NPRL3: variants seen among roughly 807,000 people sequenced by gnomAD.
NPRL3 encodes the protein GATOR1 complex protein NPRL3.
A neutral mutation model predicts 57.2 loss-of-function variants in NPRL3; 23 were observed. The ratio of observed to expected loss-of-function variants is 0.40; its 90% CI spans 0.29 to 0.57. NPRL3 has a LOEUF of 0.57. Ranked by LOEUF, NPRL3 falls within the 20% of genes least tolerant of loss-of-function variation. The pLI is 0.42. For missense variants in NPRL3, 691 were observed against 767.1 expected (o/e 0.90, Z 1.17); for synonymous variants, 333 against 321.1 (o/e 1.04, Z -0.39).
Position 85,940 on chromosome 16 carries a change from C to T in NPRL3, c.*765G>A, listed in dbSNP as rs1023870791. Reference sequence around the variant, plus strand: ...GAGAGCTGGGGGCCTGAGTACGTAGCGCCAGGCCCGGTGTGGATGCTGGGG... The same window carrying T: ...GAGAGCTGGGGGCCTGAGTACGTAGTGCCAGGCCCGGTGTGGATGCTGGGG... On this transcript the variant is annotated 3_prime_UTR_variant, in exon 14 of 14. Coordinates refer to ENST00000611875, the MANE Select transcript of NPRL3 (RefSeq NM_001077350.3). 221 of 816,626 alleles carry T rather than the reference C, an allele frequency of 2.7e-4. No homozygotes were observed. The East Asian group carries it at 6.4e-3, about 24-fold the overall frequency. The allele number at this position is 816,626 out of a possible 1,614,324, so 50.6% of individuals were successfully genotyped here.
chr16:105,791 T>A (rs1302182686), intron 7 of NPRL3, among the ~76,000 whole-genome samples: 1 of 152,162 alleles, frequency 6.6e-6, no homozygotes. Flanking sequence ...TGAAGAGACA[T>A]CCCTGCCCTC....
intron 4 of NPRL3, among the ~76,000 whole-genome samples, chr16:118,464 C>G (rs1290130752): frequency 1.3e-5 from 2 of 151,338 alleles, no homozygotes; most frequent in Non-Finnish European, 2.9e-5. Context: ...AATGCTTGCA[C>G]CACACTGTAG....
At position 133,109 on chromosome 16, in the gene NPRL3, T is replaced by C. The variant is rs536872775; in HGVS notation, c.119-2518A>G. On this transcript the variant is annotated intron_variant, in intron 2 of 13. Coordinates refer to ENST00000611875, the MANE Select transcript of NPRL3 (RefSeq NM_001077350.3). ...ATTAAAGAGAGTTAGAGCCTTTTTC[T>C]GGATTAGGCTTTGGTTTAAGAGAAT... 7.2e-5 allele frequency among the ~76,000 whole-genome samples: 11 copies of C among 152,384 alleles called. No homozygotes were observed. In the South Asian group the frequency reaches 1.9e-3, roughly 26 times the overall value.
intron 3 of NPRL3, among the ~76,000 whole-genome samples, chr16:127,668 T>C (rs1401123969): frequency 2.0e-5 from 3 of 151,774 alleles, no homozygotes; most frequent in Admixed American, 1.3e-4. Flanking sequence ...TTTTTTTTTT[T>C]TTTTGAGACG....
intron 6 of NPRL3, among the ~76,000 whole-genome samples, chr16:111,339 G>C (rs1899801905): frequency 6.6e-6 from 1 of 152,090 alleles, no homozygotes; most frequent in Non-Finnish European, 1.5e-5. Flanking sequence ...GATGGAGCTT[G>C]CAGTGAGCAG....
chr16:86,932 G>T, intron 13 of NPRL3, 62 bp from the exon 14 acceptor site: 1 of 1,516,320 alleles, frequency 6.6e-7, no homozygotes, highest in East Asian at 2.3e-5. Context: ...CTCTGCTGAA[G>T]AGCCACTGCT....
chr16:122,210 C>T (rs912169509), intron 3 of NPRL3, among the ~76,000 whole-genome samples: 2 of 152,194 alleles, frequency 1.3e-5, no homozygotes, highest in African/African-American at 2.4e-5. Context: ...GATTCTACTG[C>T]CTCAGCCTCC....
chr16:128,306 A>C (rs550926992), intron 3 of NPRL3, among the ~76,000 whole-genome samples: 1 of 152,286 alleles, frequency 6.6e-6, no homozygotes, highest in Admixed American at 6.5e-5. Context: ...ACTTCAATTT[A>C]AATGGCCACA....
chr16:116,791 C>CA (rs1900052949), intron 5 of NPRL3, among the ~76,000 whole-genome samples: 1 of 141,914 alleles, frequency 7.0e-6, no homozygotes, highest in African/African-American at 2.6e-5. Context: ...GGCGAGACCC[C>CA]CCCCCCCCAC....
rs1291923070 is a variant in NPRL3, at chr16:93,174, C to A, written c.1031+45G>T. The A allele has an allele frequency of 5.4e-6, 7 of 1,295,682 alleles. No homozygotes were observed. In the Admixed American group the frequency reaches 1.4e-4, roughly 26 times the overall value. The allele number at this position is 1,295,682 out of a possible 1,614,324, so 80.3% of individuals were successfully genotyped here. A position where few individuals can be genotyped will look rare whatever the true frequency, so the allele number is the denominator to read the frequency against. On this transcript the variant is annotated intron_variant, in intron 10 of 13. Coordinates refer to ENST00000611875, the MANE Select transcript of NPRL3 (RefSeq NM_001077350.3). ...TCTGGAGGGCCCTGCCAGCCTCACC[C>A]CTTCCCACTCGGGGCTCCAGGCTCT...
intron 7 of NPRL3, among the ~76,000 whole-genome samples, chr16:106,629 T>TAAAAAAAAAA (rs763058746): frequency 1.7e-5 from 1 of 60,052 alleles, no homozygotes; most frequent in Non-Finnish European, 2.9e-5. Flanking sequence ...TGCCTTAAAT[T>TAAAAAAAAAA]AAAAAAAAAA....
chr16:125,762 G>C (rs1375169064), intron 3 of NPRL3: 1 of 152,200 alleles, frequency 6.6e-6, no homozygotes, highest in Non-Finnish European at 1.5e-5. Context: ...CCAAGCCTGG[G>C]GACAAAAATG....
At position 100,418 on chromosome 16, in the gene NPRL3, T is replaced by C; in HGVS notation, c.721A>G (p.Ser241Gly). The C allele has an allele frequency of 6.2e-7, 1 of 1,604,598 alleles. No individual in the cohort carries two copies. The highest frequency in any genetic ancestry group is 8.5e-7 in the Non-Finnish European group (1 of 1,176,456). The change falls in exon 8 of 14, where the codon AGT becomes GGT. Residue 241 changes from serine (S) to glycine (G), a missense_variant. By Grantham distance (56) the Ser-to-Gly change is moderately conservative (BLOSUM62 0). Coordinates refer to ENST00000611875, the MANE Select transcript of NPRL3 (RefSeq NM_001077350.3). ...TCGATGGCCTCTGGGGGGATCAGAC[T>C]GGAGGCCGCATAGTGGATCTTGTGG... ...LPHKIHYAASSLIPPEAIERS... is the reference protein window; with the variant it reads ...LPHKIHYAASGLIPPEAIERS...
Position 110,448 on chromosome 16 carries a change from C to CCTGTTGA in NPRL3, c.629+70_629+76dup, listed in dbSNP as rs1164882585. On this transcript the variant is annotated intron_variant, in intron 7 of 13. Coordinates refer to ENST00000611875, the MANE Select transcript of NPRL3 (RefSeq NM_001077350.3). ...CAGTGGTCAGTACCGGGGAGCCCTA[C>CCTGTTGA]CTGTTGACGCTGCTCCTCAGGCCCA... 1.7e-3 allele frequency: 1,995 copies of CCTGTTGA among 1,159,378 alleles called. 16 individuals carry two copies. In the African/African-American group the frequency reaches 0.02, roughly 11 times the overall value. 71.8% of individuals were successfully genotyped at this position (1,159,378 alleles called of 1,614,324 possible).
chr16:131,251 G>A (rs140842956), intron 2 of NPRL3, among the ~76,000 whole-genome samples: 192 of 152,220 alleles, frequency 1.3e-3, no homozygotes, highest in East Asian at 2.3e-3. Flanking sequence ...AGGCCGAGGC[G>A]GGTGGATCAC....
chr16:114,544 T>C (rs555956102), intron 5 of NPRL3, among the ~76,000 whole-genome samples: 1 of 152,094 alleles, frequency 6.6e-6, no homozygotes. Context: ...ATGAGATTAA[T>C]CCAAATGTGG....
chr16:85,390 C>A lies in NPRL3; in HGVS notation c.*1315G>T. 1 of 1,591,056 alleles carries A rather than the reference C, an allele frequency of 6.3e-7. No homozygotes were observed. The highest frequency in any genetic ancestry group is 1.1e-5 in the South Asian group (1 of 89,222). On this transcript the variant is annotated 3_prime_UTR_variant, in exon 14 of 14. Coordinates refer to ENST00000611875, the MANE Select transcript of NPRL3 (RefSeq NM_001077350.3). ...TAGGGAGGCTCCACTTCCAAACTGT[C>A]CGTCCCACAGGGGACGGGGCTTGCG...
At chr16:136,427 C>T (rs1265187090) in intron 2 of NPRL3, among the ~76,000 whole-genome samples, 2 of 152,130 alleles carry the variant, frequency 1.3e-5, no homozygotes, top group African/African-American at 2.4e-5. Flanking sequence ...CGGTGGCTCA[C>T]GCCTGTAATC....
chr16:122,513 GTTGTT>G (rs1271906531), intron 3 of NPRL3, among the ~76,000 whole-genome samples: 1 of 152,192 alleles, frequency 6.6e-6, no homozygotes, highest in Non-Finnish European at 1.5e-5. Flanking sequence ...ATAAACAAGT[GTTGTT>G]TTGTTTTATT....
Sources: allele counts gnomAD v4.1 joint callset (sites outside exome capture counted in the v4.1 genomes callset), GRCh38; gene constraint gnomAD v4.1.1; transcripts MANE v1.5; gene names NCBI Gene and HGNC (gene_info 2026-07-23, HGNC 2026-07-21).